The following ITFG1 variants were observed in gnomAD, a reference collection of about 807,000 sequenced individuals.
ITFG1 encodes T-cell immunomodulatory protein.
ITFG1 carries 34 observed loss-of-function variants against 81.8 expected under a neutral mutation model. The observed-to-expected ratio is 0.42, with a 90% confidence interval of 0.32 to 0.55. The LOEUF (loss-of-function observed/expected upper bound fraction) is 0.55, where lower values mean the gene tolerates loss of function less well. ITFG1 is among the 20% of genes least tolerant of loss of function. The pLI is 0.17. For missense variants in ITFG1, 672 were observed against 755.4 expected (o/e 0.89, Z 1.29); for synonymous variants, 285 against 270.6 (o/e 1.05, Z -0.52).
chr16:47,223,687 C>T (rs1295343230), intron 13 of ITFG1, among the ~76,000 whole-genome samples: 6 of 152,110 alleles, frequency 3.9e-5, no homozygotes. Context: ...ACTAGAAATA[C>T]CATTTGACCC....
intron 9 of ITFG1, chr16:47,313,183 C>T (rs911684423): frequency 1.3e-5 from 2 of 152,132 alleles, no homozygotes; most frequent in African/African-American, 4.8e-5. Flanking sequence ...ATATGATGCT[C>T]CTTTTCCATA....
chr16:47,199,103 A>C (rs527429445), intron 14 of ITFG1, among the ~76,000 whole-genome samples: 1 of 152,224 alleles, frequency 6.6e-6, no homozygotes, highest in South Asian at 2.1e-4. Flanking sequence ...GTGAAACCCT[A>C]TCTCTATTAA....
intron 12 of ITFG1, among the ~76,000 whole-genome samples, chr16:47,239,288 C>T (rs904172384): frequency 1.3e-5 from 2 of 152,006 alleles, no homozygotes. Context: ...GCAACCTCCA[C>T]CTCCTGGGTT....
chr16:47,327,633 AAAAC>A (rs1158228755), intron 8 of ITFG1, among the ~76,000 whole-genome samples: 6 of 152,204 alleles, frequency 3.9e-5, no homozygotes, highest in Non-Finnish European at 5.9e-5. Context: ...TTACAAGAAA[AAAAC>A]AAACAACCTC....
chr16:47,419,974 C>T (rs1246544736), intron 6 of ITFG1, among the ~76,000 whole-genome samples: 4 of 148,998 alleles, frequency 2.7e-5, no homozygotes, highest in African/African-American at 9.9e-5. Context: ...TTTTTGGAGA[C>T]CAGCTTTTGC....
At position 47,162,675 on chromosome 16, in the gene ITFG1, T is replaced by C; in HGVS notation, c.1454-11A>G. 6.4e-7 allele frequency: 1 copy of C among 1,569,216 alleles called. No individual in the cohort carries two copies. On this transcript the variant is annotated splice_polypyrimidine_tract_variant and intron_variant, in intron 14 of 17. Coordinates refer to ENST00000320640, the MANE Select transcript of ITFG1 (RefSeq NM_030790.5). ...GGCTGAGTTGGCCAGCTAGAGTTATTCAATTAAAAAAAAATTAAAAACATC... is the reference window on the plus strand; with the variant it reads ...GGCTGAGTTGGCCAGCTAGAGTTATCCAATTAAAAAAAAATTAAAAACATC...
At chr16:47,459,325 TCCAATGGAGATGCCTAA>T (rs2151621199) in intron 1 of ITFG1, 150 bp from the exon 2 acceptor site, 1 of 584,314 alleles carries the variant, frequency 1.7e-6, no homozygotes, top group African/African-American at 1.9e-5. Context: ...GTCCCACTAG[TCCAATGGAGATGCCTAA>T]CATTATATCA....
chr16:47,450,119 G>A (rs1337409126), intron 5 of ITFG1: 9 of 156,822 alleles, frequency 5.7e-5, no homozygotes, highest in Non-Finnish European at 1.1e-4. Context: ...GCGGAGTGGT[G>A]GTGGGGAGTG....
chr16:47,329,954 A>G (rs1967614866), intron 8 of ITFG1, among the ~76,000 whole-genome samples: 1 of 152,148 alleles, frequency 6.6e-6, no homozygotes, highest in African/African-American at 2.4e-5. Context: ...CTACAATATC[A>G]AAGACAGTTG....
intron 5 of ITFG1, among the ~76,000 whole-genome samples, chr16:47,435,311 C>T (rs1307904937): frequency 6.6e-6 from 1 of 152,072 alleles, no homozygotes; most frequent in Non-Finnish European, 1.5e-5. Flanking sequence ...TGCCCAACTC[C>T]ATTTGAAGGC....
At chr16:47,190,523 A>G (rs1965279824) in intron 14 of ITFG1, among the ~76,000 whole-genome samples, 1 of 152,186 alleles carries the variant, frequency 6.6e-6, no homozygotes, top group Non-Finnish European at 1.5e-5. Context: ...TTCCTAGAGG[A>G]CATTATTAAA....
intron 10 of ITFG1, among the ~76,000 whole-genome samples, chr16:47,274,663 A>C (rs577084414): frequency 5.3e-5 from 8 of 152,194 alleles, no homozygotes; most frequent in Admixed American, 2.6e-4. Context: ...TAAAACTGCC[A>C]AACAATAGAA....
chr16:47,438,588 C>A (rs1286800758), intron 5 of ITFG1, among the ~76,000 whole-genome samples: 2 of 152,186 alleles, frequency 1.3e-5, no homozygotes, highest in East Asian at 3.9e-4. Context: ...CTGGAGTGGA[C>A]CTCTAGTAAA....
chr16:47,398,410 A>T (rs1968619284), intron 6 of ITFG1, among the ~76,000 whole-genome samples: 1 of 152,158 alleles, frequency 6.6e-6, no homozygotes, highest in Admixed American at 6.5e-5. Flanking sequence ...GCTATTCTTC[A>T]ATTATTTTAA....
intron 14 of ITFG1, among the ~76,000 whole-genome samples, chr16:47,199,656 T>C (rs1430188895): frequency 6.6e-6 from 1 of 152,134 alleles, no homozygotes; most frequent in African/African-American, 2.4e-5. Context: ...TGGAAGACAA[T>C]TTTTCCATGG....
intron 6 of ITFG1, among the ~76,000 whole-genome samples, chr16:47,387,164 G>A (rs1175369135): frequency 6.6e-6 from 1 of 152,208 alleles, no homozygotes; most frequent in African/African-American, 2.4e-5. Context: ...AGGAGACAAA[G>A]AGAGCCCTGC....
At chr16:47,250,371 A>G (rs1966057916) in intron 12 of ITFG1, among the ~76,000 whole-genome samples, 1 of 151,174 alleles carries the variant, frequency 6.6e-6, no homozygotes, top group South Asian at 2.1e-4. Context: ...ATATAAATAT[A>G]TATACATATA....
chr16:47,167,407 A>C (rs1402899182), intron 14 of ITFG1, among the ~76,000 whole-genome samples: 1 of 152,170 alleles, frequency 6.6e-6, no homozygotes, highest in African/African-American at 2.4e-5. Flanking sequence ...AAAGAAGTGT[A>C]AATGGCCGGT....
At chr16:47,374,509 T>G (rs1426068973) in intron 7 of ITFG1, among the ~76,000 whole-genome samples, 3 of 152,084 alleles carry the variant, frequency 2.0e-5, no homozygotes, top group African/African-American at 7.2e-5. Context: ...TAATGAGGCT[T>G]CCCCCGACCC....
Sources: allele counts gnomAD v4.1 joint callset (sites outside exome capture counted in the v4.1 genomes callset), GRCh38; gene constraint gnomAD v4.1.1; transcripts MANE v1.5; gene names NCBI Gene and HGNC (gene_info 2026-07-23, HGNC 2026-07-21).